Variants in EFEMP2 observed in about 807,000 individuals in gnomAD.
EFEMP2 encodes EGF-like fibulin extracellular matrix protein 2.
A neutral mutation model predicts 55.3 loss-of-function variants in EFEMP2; 21 were observed. That is an observed-to-expected ratio of 0.38 (90% CI 0.27 to 0.55). EFEMP2 has a LOEUF of 0.55. Ranked by LOEUF, EFEMP2 falls within the 20% of genes least tolerant of loss-of-function variation. The probability of loss-of-function intolerance (pLI) is 0.77; values close to 1 mark genes in which losing one functional copy is unlikely to be tolerated. For synonymous variants in EFEMP2, 275 were observed against 242.3 expected (o/e 1.14, Z -1.25); for missense variants, 513 against 615.1 (o/e 0.83, Z 1.76).
rs1180186672 is a variant in EFEMP2, at chr11:65,866,701, G to A, written c.*217C>T. On this transcript the variant is annotated 3_prime_UTR_variant, in exon 11 of 11. Coordinates refer to ENST00000307998, the MANE Select transcript of EFEMP2 (RefSeq NM_016938.5). ...CAGAGCTCCCAGCTCCTGTCAATGG[G>A]GGCCCCTGGGCCTGAACATATAGAG... 2.8e-6 allele frequency: 2 copies of A among 716,654 alleles called. No homozygotes were observed. Among genetic ancestry groups the A allele is most frequent in the South Asian group, 1.5e-5 (1 of 67,830 alleles). The allele number at this position is 716,654 out of a possible 1,614,324, so 44.4% of individuals were successfully genotyped here. A position where few individuals can be genotyped will look rare whatever the true frequency, so the allele number is the denominator to read the frequency against.
Position 65,872,163 on chromosome 11 carries a change from C to T in EFEMP2, c.111+81G>A, listed in dbSNP as rs144352725. The stretch of plus-strand genomic sequence containing the variant: ...TCCACCAGCCAGGGGAGGAAGACTT[C>T]CCCGGCAGCAGTCACCCTGGGTCCC... On this transcript the variant is annotated intron_variant, in intron 2 of 10. Transcript: ENST00000307998. 20,274 of 1,504,416 alleles carry T rather than the reference C, an allele frequency of 0.013. 197 individuals carry two copies. Among genetic ancestry groups the T allele is most frequent in the South Asian group, 0.025 (2,100 of 82,980 alleles). The allele number at this position is 1,504,416 out of a possible 1,614,324, so 93.2% of individuals were successfully genotyped here.
intron 5 of EFEMP2, 73 bp from the exon 6 acceptor site, chr11:65,870,310 C>T: frequency 6.6e-7 from 1 of 1,505,436 alleles, no homozygotes; most frequent in Non-Finnish European, 9.2e-7. Context: ...CCGGCTGGGA[C>T]TCAAGGCTTC....
chr11:65,870,015 G>T, intron 6 of EFEMP2, 39 bp from the exon 7 acceptor site: 1 of 1,613,016 alleles, frequency 6.2e-7, no homozygotes. Flanking sequence ...TGAAAGCGGA[G>T]GAGGAGCCCA....
Position 65,870,203 on chromosome 11 carries a change from G to C in EFEMP2, c.525C>G (p.His175Gln). The change falls in exon 6 of 11, where the codon CAC becomes CAG. Residue 175 changes from histidine to glutamine, a missense_variant. His to Gln is a conservative substitution (Grantham distance 24, BLOSUM62 0). Coordinates refer to ENST00000307998, the MANE Select transcript of EFEMP2 (RefSeq NM_016938.5). Reference sequence around the variant, plus strand: ...AGGAGCCAGGCAGGTTCACGCAGCGGTGCTGGCAGTAGCGGTAGCGGCACT... The same window carrying C: ...AGGAGCCAGGCAGGTTCACGCAGCGCTGCTGGCAGTAGCGGTAGCGGCACT... ...IDECRYRYCQHRCVNLPGSFR... is the reference protein window; with the variant it reads ...IDECRYRYCQQRCVNLPGSFR... The C allele has an allele frequency of 6.2e-7, 1 of 1,613,650 alleles. No individual in the cohort carries two copies. Among genetic ancestry groups the C allele is most frequent in the Non-Finnish European group, 8.5e-7 (1 of 1,179,986 alleles).
In EFEMP2 at chr11:65,871,334, C is replaced by T. The variant is rs1162391917; in HGVS notation, c.190G>A (p.Ala64Thr). 1 of 1,614,188 alleles carries T rather than the reference C, an allele frequency of 6.2e-7. No individual in the cohort carries two copies. The stretch of plus-strand genomic sequence containing the variant: ...ATGCACTTCATTTCCCCCTTGCAGG[C>T]CTCAGGGATGGTCAGACACTCGTTG... The part of the protein sequence containing the change: ...DVNECLTIPE[A>T]CKGEMKCINH... Residue 64 changes from alanine (A) to threonine (T), a missense_variant, in exon 4 of 11, where the codon GCC becomes ACC. Physicochemically the swap from Ala to Thr is moderately conservative, Grantham distance 58. Transcript: ENST00000307998.
chr11:65,872,443 G>C, intron 1 of EFEMP2, 82 bp from the exon 2 acceptor site: 5 of 961,670 alleles, frequency 5.2e-6, no homozygotes, highest in Middle Eastern at 3.1e-4. Context: ...CCCAGCCCCC[G>C]CCACTGCCCG....
intron 7 of EFEMP2, 194 bp downstream of exon 7, chr11:65,869,663 G>A (rs1384850108): frequency 2.6e-6 from 2 of 771,844 alleles, no homozygotes; most frequent in Non-Finnish European, 4.4e-6. Context: ...TAAGGACGTA[G>A]CTGCCTCTCC....
intron 5 of EFEMP2, 125 bp from the exon 6 acceptor site, chr11:65,870,362 G>A (rs1859944309): frequency 7.1e-7 from 1 of 1,407,574 alleles, no homozygotes; most frequent in African/African-American, 1.4e-5. Flanking sequence ...ATTAGGCAGG[G>A]TCAGCCAGGA....
intron 3 of EFEMP2, 110 bp downstream of exon 3, chr11:65,871,860 G>A (rs751855083): frequency 2.2e-6 from 3 of 1,361,664 alleles, no homozygotes; most frequent in Admixed American, 2.0e-5. Context: ...GGCATAGAAC[G>A]GGCTGCTGGG....
chr11:65,869,544 G>A, intron 7 of EFEMP2: 2 of 414,360 alleles, frequency 4.8e-6, no homozygotes, highest in South Asian at 4.2e-5. Context: ...AACAGGCTCA[G>A]AGAGGAGTGA....
chr11:65,870,521 GC>G lies in EFEMP2; in HGVS notation c.490+14del. On this transcript the variant is annotated intron_variant, in intron 5 of 10. Coordinates refer to ENST00000307998, the MANE Select transcript of EFEMP2 (RefSeq NM_016938.5). ...ACACAAAGCCGGGACTACAGAAGCTGCTTCCTGGACTCACCCACACACTCGG... is the reference window on the plus strand; with the variant it reads ...ACACAAAGCCGGGACTACAGAAGCTGTTCCTGGACTCACCCACACACTCGG... 3 of 1,613,876 alleles carry G rather than the reference GC, an allele frequency of 1.9e-6. No homozygotes were observed. The highest frequency in any genetic ancestry group is 2.5e-6 in the Non-Finnish European group (3 of 1,179,890).
rs777806636 is a variant in EFEMP2 at position 65,867,875 on chromosome 11, C to T, written c.1156G>A (p.Asp386Asn). 7.4e-6 allele frequency: 12 copies of T among 1,614,092 alleles called. No individual in the cohort carries two copies. Among genetic ancestry groups the T allele is most frequent in the Non-Finnish European group, 1.0e-5 (12 of 1,180,024 alleles). The change falls in exon 10 of 11, where the codon GAC becomes AAC. Residue 386 changes from aspartate (D) to asparagine (N), a missense_variant. By Grantham distance (23) the Asp-to-Asn change is conservative. Transcript: ENST00000307998. ...AGAAACCTTACCCTAATGTAAAAGT[C>T]CCCCTGCGAGTTTCCAGCACGGATC... ...FQIRAGNSQG[D>N]FYIRQINNVS...
Position 65,868,379 on chromosome 11 carries a change from G to A in EFEMP2, c.890C>T (p.Ala297Val). Residue 297 changes from alanine to valine, a missense_variant, in exon 9 of 11, where the codon GCC (alanine) becomes GTC (valine). Ala to Val is a moderately conservative substitution (Grantham distance 64). Coordinates refer to ENST00000307998, the MANE Select transcript of EFEMP2 (RefSeq NM_016938.5). The part of the protein sequence containing the change: ...CESGAHQCSE[A>V]QTCVNFHGGY... Reference sequence around the variant, plus strand: ...CCCATGGAAGTTGACACAGGTTTGGGCCTCGGAGCACTGGTGCGCACCAGA... The same window carrying A: ...CCCATGGAAGTTGACACAGGTTTGGACCTCGGAGCACTGGTGCGCACCAGA... The A allele has an allele frequency of 2.5e-6, 4 of 1,613,948 alleles. No homozygotes were observed. Among genetic ancestry groups the A allele is most frequent in the Non-Finnish European group, 2.5e-6 (3 of 1,180,030 alleles).
Position 65,866,441 on chromosome 11 carries a change from T to A in EFEMP2, c.*477A>T. The stretch of plus-strand genomic sequence containing the variant: ...CCTAAAAGAAAAGATTGAAAACCAC[T>A]AACAGTCCAGTTGCCTCGTTTTATA... On this transcript the variant is annotated 3_prime_UTR_variant, in exon 11 of 11. Transcript: ENST00000307998. 1.4e-6 allele frequency: 1 copy of A among 689,944 alleles called. No individual in the cohort carries two copies. 42.7% of individuals were successfully genotyped at this position (689,944 alleles called of 1,614,324 possible). A position where few individuals can be genotyped will look rare whatever the true frequency, so the allele number is the denominator to read the frequency against.
chr11:65,871,230 T>G lies in EFEMP2; in HGVS notation c.294A>C (p.Pro98=). ...INDLHGEGPP[P]PVPPAQHPNP... ...TGGGGTGTTGAGCGGGAGGCACTGG[T>G]GGCGGGGGTCCCTCGCCGTGTAGGT... Residue 98 remains proline, a synonymous_variant, in exon 4 of 11, where the codon CCA becomes CCC. Coordinates refer to ENST00000307998, the MANE Select transcript of EFEMP2 (RefSeq NM_016938.5). 1 of 1,614,026 alleles carries G rather than the reference T, an allele frequency of 6.2e-7. No individual in the cohort carries two copies.
intron 4 of EFEMP2, 50 bp from the exon 5 acceptor site, chr11:65,870,708 A>G: frequency 6.2e-7 from 1 of 1,612,732 alleles, no homozygotes; most frequent in Non-Finnish European, 8.5e-7. Flanking sequence ...ACACCACCCA[A>G]CATGACAGAT....
rs1349317374 is a variant in EFEMP2 at position 65,872,276 on chromosome 11, G to A, written c.79C>T (p.Pro27Ser). ...LLLLLLGSAS[P>S]QDSEEPDSYT... The stretch of plus-strand genomic sequence containing the variant: ...CTGTCGGGCTCTTCAGAATCCTGAG[G>A]AGAAGCTGATCCCAAGAGCAACAGT... Residue 27 changes from proline (P) to serine (S), a missense_variant, in exon 2 of 11, where the codon CCT becomes TCT. Coordinates refer to ENST00000307998, the MANE Select transcript of EFEMP2 (RefSeq NM_016938.5). 6 of 1,551,676 alleles carry A rather than the reference G, an allele frequency of 3.9e-6. No individual in the cohort carries two copies. Among genetic ancestry groups the A allele is most frequent in the Non-Finnish European group, 2.6e-6 (3 of 1,146,978 alleles).
At chr11:65,870,865 A>G in intron 4 of EFEMP2, 1 of 756,036 alleles carries the variant, frequency 1.3e-6, no homozygotes, top group Non-Finnish European at 2.2e-6. Flanking sequence ...CCCCAGCAAC[A>G]CTGATTCCTG....
rs2134747288 is a variant in EFEMP2 at position 65,868,139 on chromosome 11, C to CA, written c.975-84dup. 7 of 1,566,000 alleles carry CA rather than the reference C, an allele frequency of 4.5e-6. No individual in the cohort carries two copies. The South Asian group carries it at 8.0e-5, about 18-fold the overall frequency. Reference sequence around the variant, plus strand: ...CCTACCCTACAAAGGGAGGGAATCCCAAAAGGACCCTTCTACCCCTGTGAC... The same window carrying CA: ...CCTACCCTACAAAGGGAGGGAATCCCAAAAAGGACCCTTCTACCCCTGTGAC... On this transcript the variant is annotated intron_variant, in intron 9 of 10. Transcript: ENST00000307998.
Sources: gnomAD v4.1 joint callset for allele counts on GRCh38, gnomAD v4.1.1 for gene constraint, MANE v1.5 for transcripts, NCBI Gene and HGNC (gene_info 2026-07-23, HGNC 2026-07-21) for gene names.